The following BMPR1B variants were observed in gnomAD, a reference collection of about 807,000 sequenced individuals.
BMPR1B encodes bone morphogenetic protein receptor type 1B.
In BMPR1B, 12 loss-of-function variants were observed where a neutral mutation model predicts 59.1. The ratio of observed to expected loss-of-function variants is 0.20; its 90% CI spans 0.13 to 0.33. The LOEUF (loss-of-function observed/expected upper bound fraction) is 0.33, where lower values mean the gene tolerates loss of function less well. Ranked by LOEUF, BMPR1B falls within the 10% of genes least tolerant of loss-of-function variation. The pLI, the probability that BMPR1B is intolerant of heterozygous loss-of-function variation, is 1.00. For missense variants in BMPR1B, 550 were observed against 610.9 expected, an observed-to-expected ratio of 0.90 and a Z score of 1.05; for synonymous variants, 237 against 207.3, an observed-to-expected ratio of 1.14 and a Z score of -1.23.
intron 1 of BMPR1B, among the ~76,000 whole-genome samples, chr4:94,799,492 C>T (rs748269016): frequency 4.6e-5 from 7 of 151,410 alleles, no homozygotes; most frequent in East Asian, 2.0e-4. Flanking sequence ...TTAGTAGAGA[C>T]GGGGTTTCAC....
intron 1 of BMPR1B, among the ~76,000 whole-genome samples, chr4:94,869,772 T>A (rs1221660218): frequency 6.6e-6 from 1 of 152,202 alleles, no homozygotes; most frequent in Admixed American, 6.5e-5. Flanking sequence ...CTTTTAAAAA[T>A]TTAGTTTTTA....
At chr4:95,049,304 A>G (rs1409072029) in intron 3 of BMPR1B, among the ~76,000 whole-genome samples, 1 of 151,826 alleles carries the variant, frequency 6.6e-6, no homozygotes, top group Non-Finnish European at 1.5e-5. Flanking sequence ...TTTTAGAGAC[A>G]GGGTCTTGCT....
intron 2 of BMPR1B, among the ~76,000 whole-genome samples, chr4:94,885,944 T>G (rs935445220): frequency 6.6e-6 from 1 of 152,108 alleles, no homozygotes; most frequent in African/African-American, 2.4e-5. Context: ...TTAGTAAATG[T>G]GGAAAAAATG....
At chr4:94,998,008 GA>G (rs1409406726) in intron 3 of BMPR1B, among the ~76,000 whole-genome samples, 2 of 152,050 alleles carry the variant, frequency 1.3e-5, no homozygotes, top group Non-Finnish European at 2.9e-5. Context: ...ACTACAATAA[GA>G]AGAAACTAAA....
chr4:95,019,434 G>T (rs1312572443), intron 3 of BMPR1B, among the ~76,000 whole-genome samples: 3 of 152,124 alleles, frequency 2.0e-5, no homozygotes, highest in Non-Finnish European at 4.4e-5. Flanking sequence ...CTAGATAAAT[G>T]ATATTGTTGG....
chr4:94,919,681 T>C (rs1728619950), intron 2 of BMPR1B, among the ~76,000 whole-genome samples: 1 of 152,198 alleles, frequency 6.6e-6, no homozygotes. Flanking sequence ...TCTTTCTTCC[T>C]GCATGCCAGG....
chr4:94,900,278 C>G (rs113732195), intron 2 of BMPR1B, among the ~76,000 whole-genome samples: 14 of 147,956 alleles, frequency 9.5e-5, no homozygotes, highest in African/African-American at 3.0e-4. Flanking sequence ...TGTCAATTAG[C>G]TGGATGGTGT....
chr4:95,130,711 T>C, intron 9 of BMPR1B, among the ~76,000 whole-genome samples: 1 of 143,408 alleles, frequency 7.0e-6, no homozygotes, highest in Non-Finnish European at 1.5e-5. Context: ...TTTTTTCTTT[T>C]TCTTTTCTTT....
At chr4:95,031,082 A>G (rs1285498963) in intron 3 of BMPR1B, among the ~76,000 whole-genome samples, 1 of 152,054 alleles carries the variant, frequency 6.6e-6, no homozygotes, top group Non-Finnish European at 1.5e-5. Flanking sequence ...AAGCCAAAAG[A>G]ACAAAGCTGG....
At chr4:94,825,345 A>G (rs894130052) in intron 1 of BMPR1B, among the ~76,000 whole-genome samples, 2 of 151,992 alleles carry the variant, frequency 1.3e-5, no homozygotes, top group Non-Finnish European at 2.9e-5. Flanking sequence ...TTTACGAAAA[A>G]TTTTTAAAAA....
intron 3 of BMPR1B, among the ~76,000 whole-genome samples, chr4:95,049,419 G>GTTTTTTTTTTTTTTTTT (rs761496965): frequency 1.3e-5 from 1 of 77,404 alleles, no homozygotes; most frequent in Non-Finnish European, 2.4e-5. Context: ...CAGCATAAAA[G>GTTTTTTTTTTTTTTTTT]TTTTTTTTTT....
At chr4:94,987,596 T>C (rs1464819121) in intron 2 of BMPR1B, among the ~76,000 whole-genome samples, 2 of 152,108 alleles carry the variant, frequency 1.3e-5, no homozygotes, top group East Asian at 1.9e-4. Context: ...TGTATGACTT[T>C]AGCTTGTCTT....
At chr4:94,948,129 C>G (rs1729788676) in intron 2 of BMPR1B, among the ~76,000 whole-genome samples, 1 of 152,202 alleles carries the variant, frequency 6.6e-6, no homozygotes, top group Non-Finnish European at 1.5e-5. Context: ...GACTCCAAAC[C>G]TCTGTCCTTA....
intron 3 of BMPR1B, among the ~76,000 whole-genome samples, chr4:95,102,469 A>T (rs1730892187): frequency 6.6e-6 from 1 of 152,234 alleles, no homozygotes; most frequent in Non-Finnish European, 1.5e-5. Flanking sequence ...TAAAGCATCA[A>T]AAATAAAGGG....
At chr4:95,027,542 TTGTGA>T (rs1204723983) in intron 3 of BMPR1B, among the ~76,000 whole-genome samples, 3 of 152,252 alleles carry the variant, frequency 2.0e-5, no homozygotes, top group Admixed American at 2.0e-4. Context: ...AATAAACCTT[TTGTGA>T]TGAAAATGGT....
At chr4:95,045,307 C>T (rs1725961076) in intron 3 of BMPR1B, among the ~76,000 whole-genome samples, 1 of 152,124 alleles carries the variant, frequency 6.6e-6, no homozygotes, top group African/African-American at 2.4e-5. Context: ...TAATGAGCTG[C>T]AAGAAGTAGT....
At chr4:95,041,343 G>A (rs575528234) in intron 3 of BMPR1B, among the ~76,000 whole-genome samples, 10 of 151,952 alleles carry the variant, frequency 6.6e-5, no homozygotes, top group South Asian at 2.1e-4. Context: ...GCCACCACGC[G>A]TGGTCTATAA....
intron 3 of BMPR1B, among the ~76,000 whole-genome samples, chr4:95,018,472 T>C (rs1339769902): frequency 6.6e-6 from 1 of 152,184 alleles, no homozygotes; most frequent in Non-Finnish European, 1.5e-5. Flanking sequence ...GCTAGGGGGA[T>C]GTTAGTTACC....
chr4:94,796,255 A>G (rs369273617), intron 1 of BMPR1B, among the ~76,000 whole-genome samples: 1 of 152,208 alleles, frequency 6.6e-6, no homozygotes, highest in African/African-American at 2.4e-5. Context: ...GTAAGTCACC[A>G]TGCCCGGCCT....
Sources: gnomAD v4.1 joint callset for allele counts (sites outside exome capture counted in the v4.1 genomes callset) on GRCh38, gnomAD v4.1.1 for gene constraint, MANE v1.5 for transcripts, NCBI Gene and HGNC (gene_info 2026-07-23, HGNC 2026-07-21) for gene names.